COL12A1: variants seen among roughly 807,000 people sequenced by gnomAD.
COL12A1 encodes the protein collagen type XII alpha 1 chain.
Under a neutral mutation model 349.7 loss-of-function variants are expected in COL12A1, and 114 were observed. The ratio of observed to expected loss-of-function variants is 0.33; its 90% CI spans 0.28 to 0.38. The LOEUF is 0.38. COL12A1 is among the 10% of genes least tolerant of loss of function. The pLI is 1.00. For missense variants in COL12A1, 3,284 were observed against 3,756.9 expected (o/e 0.87, Z 3.29); for synonymous variants, 1,369 against 1,329.0 (o/e 1.03, Z -0.66).
chr6:75,115,297 T>A (rs1198644925), intron 49 of COL12A1, among the ~76,000 whole-genome samples: 1 of 152,092 alleles, frequency 6.6e-6, no homozygotes, highest in Non-Finnish European at 1.5e-5. Flanking sequence ...TGAAGTAAAA[T>A]AACATCTACA....
At chr6:75,119,323 A>C (rs1434393333) in intron 45 of COL12A1, 27 bp downstream of exon 45, 2 of 1,606,638 alleles carry the variant, frequency 1.2e-6, no homozygotes, top group Admixed American at 1.7e-5. Flanking sequence ...AAATGCTTGA[A>C]GAGTAAAGGT....
intron 14 of COL12A1, among the ~76,000 whole-genome samples, chr6:75,164,573 AT>A (rs1162127520): frequency 6.6e-6 from 1 of 152,138 alleles, no homozygotes; most frequent in Non-Finnish European, 1.5e-5. Flanking sequence ...TTTTTAATAG[AT>A]TTTGTATTGT....
At chr6:75,177,413 A>G (rs1769018083) in intron 12 of COL12A1, among the ~76,000 whole-genome samples, 1 of 152,168 alleles carries the variant, frequency 6.6e-6, no homozygotes. Flanking sequence ...CTTGGGCAAC[A>G]GAGAGAGACT....
intron 14 of COL12A1, among the ~76,000 whole-genome samples, chr6:75,160,967 T>C (rs775546618): frequency 3.9e-5 from 6 of 152,120 alleles, no homozygotes; most frequent in Non-Finnish European, 8.8e-5. Context: ...GAAAGATAAA[T>C]GAAAACCAGT....
intron 59 of COL12A1, among the ~76,000 whole-genome samples, chr6:75,096,137 G>A (rs1305235461): frequency 6.6e-6 from 1 of 152,068 alleles, no homozygotes; most frequent in African/African-American, 2.4e-5. Context: ...ATATTTAATA[G>A]AATGTTTATA....
At chr6:75,126,932 T>G (rs1766047591) in intron 38 of COL12A1, among the ~76,000 whole-genome samples, 2 of 152,052 alleles carry the variant, frequency 1.3e-5, no homozygotes, top group Non-Finnish European at 2.9e-5. Flanking sequence ...CTCTCTATCC[T>G]CCACCACCAT....
chr6:75,100,672 CT>C (rs1768265135), intron 58 of COL12A1, among the ~76,000 whole-genome samples: 1 of 152,138 alleles, frequency 6.6e-6, no homozygotes, highest in Non-Finnish European at 1.5e-5. Context: ...TTTGTATTAT[CT>C]TAGGGCAAAT....
At chr6:75,205,684 A>G (rs1770744822) in intron 1 of COL12A1, 93 bp downstream of exon 1, 1 of 152,710 alleles carries the variant, frequency 6.5e-6, no homozygotes, top group Non-Finnish European at 1.5e-5. Context: ...AGGATTCTTC[A>G]CCGCTCCGGG....
chr6:75,154,568 G>A, intron 16 of COL12A1, 31 bp from the exon 17 acceptor site: 1 of 1,567,688 alleles, frequency 6.4e-7, no homozygotes, highest in Middle Eastern at 1.7e-4. Context: ...TATAGCCTGT[G>A]AGAACCATAG....
At chr6:75,154,980 C>A (rs377236340) in intron 16 of COL12A1, among the ~76,000 whole-genome samples, 3 of 152,174 alleles carry the variant, frequency 2.0e-5, no homozygotes, top group Admixed American at 2.0e-4. Flanking sequence ...AAATTTTATA[C>A]TCCCTACTCT....
At chr6:75,149,553 A>G (rs1006510126) in intron 21 of COL12A1, among the ~76,000 whole-genome samples, 1 of 152,134 alleles carries the variant, frequency 6.6e-6, no homozygotes, top group Non-Finnish European at 1.5e-5. Context: ...TCTGGAATAA[A>G]TGCTGATGAA....
In COL12A1 at chr6:75,113,726, T is replaced by A; in HGVS notation, c.7716A>T (p.Gly2572=). The A allele has an allele frequency of 6.3e-7, 1 of 1,584,454 alleles. No individual in the cohort carries two copies. Among genetic ancestry groups the A allele is most frequent in the Non-Finnish European group, 8.6e-7 (1 of 1,160,528 alleles). Residue 2572 remains glycine (G), a synonymous_variant, in exon 50 of 66, where the codon GGA becomes GGT. Transcript: ENST00000322507. ...ATATAATCGTGTATGAAGGAGGGAG[T>A]CCATTTGGGTGTAGGTCTCTGTTGG... ...NQPTADLHPN[G]LPPSYTIILL... is the part of the protein sequence containing the mutation.
rs183451594 is a variant in COL12A1 at position 75,139,238 on chromosome 6, T to G, written c.4958-277A>C. 2.8e-3 allele frequency among the ~76,000 whole-genome samples: 426 copies of G among 152,280 alleles called. 2 individuals carry two copies. The highest frequency in any genetic ancestry group is 9.8e-3 in the African/African-American group (407 of 41,550). ...CTTTTTAAGAATCAAATCAACACTA[T>G]GGACTCTTTCACACAGCAATACACA... On this transcript the variant is annotated intron_variant, in intron 27 of 65. Transcript: ENST00000322507.
Position 75,128,623 on chromosome 6 carries a change from G to C in COL12A1, c.6211-198C>G, listed in dbSNP as rs1019159062. 2.6e-5 allele frequency among the ~76,000 whole-genome samples: 4 copies of C among 152,146 alleles called. No individual in the cohort carries two copies. The East Asian group carries it at 7.7e-4, about 29-fold the overall frequency. On this transcript the variant is annotated intron_variant, in intron 37 of 65. Transcript: ENST00000322507. Reference sequence around the variant, plus strand: ...AGGAGAGTGGTTTTAGAATCAGACAGCTCTGGGTTCAAATCCCAGATCAGC... The same window carrying C: ...AGGAGAGTGGTTTTAGAATCAGACACCTCTGGGTTCAAATCCCAGATCAGC...
At chr6:75,111,679 A>G (rs1008097523) in intron 51 of COL12A1, among the ~76,000 whole-genome samples, 2 of 151,900 alleles carry the variant, frequency 1.3e-5, no homozygotes, top group Non-Finnish European at 2.9e-5. Flanking sequence ...AAGAACAGAT[A>G]AAGATCAGTT....
intron 12 of COL12A1, 131 bp downstream of exon 12, chr6:75,177,532 G>T (rs1183525112): frequency 1.9e-6 from 2 of 1,076,540 alleles, no homozygotes; most frequent in South Asian, 1.5e-5. Context: ...AATCTAAAAG[G>T]ACTATGGTCT....
intron 31 of COL12A1, 99 bp downstream of exon 31, chr6:75,137,337 CT>C: frequency 9.0e-7 from 1 of 1,116,358 alleles, no homozygotes; most frequent in Non-Finnish European, 1.2e-6. Flanking sequence ...CTTAATATCC[CT>C]TAAAAAGTAA....
chr6:75,091,568 C>T, intron 60 of COL12A1, 43 bp from the exon 61 acceptor site: 1 of 1,577,644 alleles, frequency 6.3e-7, no homozygotes, highest in Non-Finnish European at 8.7e-7. Flanking sequence ...GACAAACATA[C>T]TCTAAAATGA....
intron 12 of COL12A1, among the ~76,000 whole-genome samples, chr6:75,176,675 C>T (rs1002360450): frequency 1.3e-5 from 2 of 152,030 alleles, no homozygotes; most frequent in Non-Finnish European, 2.9e-5. Flanking sequence ...TTTCCTCAGC[C>T]TCAATTCTCT....
Sources: gnomAD v4.1 joint callset for allele counts (sites outside exome capture counted in the v4.1 genomes callset) on GRCh38, gnomAD v4.1.1 for gene constraint, MANE v1.5 for transcripts, NCBI Gene and HGNC (gene_info 2026-07-23, HGNC 2026-07-21) for gene names.